Variants in TCTN3 observed in about 807,000 individuals in gnomAD.
TCTN3 encodes the protein tectonic family member 3.
In TCTN3, 57 loss-of-function variants were observed where a neutral mutation model predicts 71.3. The observed-to-expected ratio is 0.80, with a 90% CI of 0.65 to 1.00. The LOEUF (loss-of-function observed/expected upper bound fraction) is 1.00. TCTN3 is among the 50% of genes least tolerant of loss of function. The probability of loss-of-function intolerance (pLI) is 0.00; values close to 1 mark genes in which losing one functional copy is unlikely to be tolerated. For missense variants in TCTN3, 696 were observed against 719.9 expected (o/e 0.97, Z 0.38); for synonymous variants, 258 against 267.8 (o/e 0.96, Z 0.36).
intron 2 of TCTN3, 43 bp downstream of exon 2, chr10:95,693,310 G>C: frequency 6.5e-7 from 1 of 1,550,148 alleles, no homozygotes. Flanking sequence ...CCCGTTGTAG[G>C]CCCCAAACCC....
Position 95,685,607 on chromosome 10 carries a change from CT to C in TCTN3, c.917del (p.Gln306ArgfsTer15). Reference protein sequence around the residue: ...EFQVPVILTSQANAPLLAGNT... With the variant: ...EFQVPVILTSXANAPLLAGNT... ...TTCCAGCCAACAGAGGAGCATTAGC[CT>C]GTGAGGTAAGTATTACAGGAACCTG... On this transcript the variant is annotated frameshift_variant, in exon 8 of 14. Transcript: ENST00000371217. LOFTEE classifies it high-confidence loss of function. 2 of 1,551,464 alleles carry C rather than the reference CT, an allele frequency of 1.3e-6. No homozygotes were observed. The highest frequency in any genetic ancestry group is 1.7e-6 in the Non-Finnish European group (2 of 1,146,880).
In TCTN3 at chr10:95,666,401, T is replaced by C. The variant is rs374724817; in HGVS notation, c.1591-2101A>G. Among the ~76,000 whole-genome samples, 72 of 152,314 alleles carry C rather than the reference T, an allele frequency of 4.7e-4. No homozygotes were observed. The East Asian group carries it at 0.012, about 26-fold the overall frequency. ...CTCCAGCCAGGCATCGAAGACTGGC[T>C]GAGACTAATCAGAGAAAGAAAATGG... On this transcript the variant is annotated intron_variant, in intron 13 of 13. Coordinates refer to ENST00000371217, the MANE Select transcript of TCTN3 (RefSeq NM_015631.6).
At chr10:95,677,474 G>GGTTTT (rs2097938217) in intron 13 of TCTN3, among the ~76,000 whole-genome samples, 2 of 80,738 alleles carry the variant, frequency 2.5e-5, no homozygotes, top group Non-Finnish European at 6.0e-5. Flanking sequence ...GAAGTCTACA[G>GGTTTT]TTTTTTTTGT....
intron 8 of TCTN3, among the ~76,000 whole-genome samples, chr10:95,684,868 G>A (rs1490171344): frequency 6.6e-6 from 1 of 152,146 alleles, no homozygotes; most frequent in Admixed American, 6.5e-5. Context: ...TTTTTGGTAG[G>A]AACTGAAAGG....
chr10:95,692,196 T>C (rs888441467), intron 3 of TCTN3, among the ~76,000 whole-genome samples: 2 of 152,228 alleles, frequency 1.3e-5, no homozygotes, highest in South Asian at 2.1e-4. Flanking sequence ...TTCTGATCCA[T>C]AGCCAACAGA....
chr10:95,677,474 G>GGTTT (rs2097938217), intron 13 of TCTN3, among the ~76,000 whole-genome samples: 5 of 80,738 alleles, frequency 6.2e-5, no homozygotes, highest in Non-Finnish European at 1.5e-4. Flanking sequence ...GAAGTCTACA[G>GGTTT]TTTTTTTTGT....
At chr10:95,690,778 TGGAA>T (rs1193050264) in intron 3 of TCTN3, among the ~76,000 whole-genome samples, 1 of 152,196 alleles carries the variant, frequency 6.6e-6, no homozygotes, top group East Asian at 1.9e-4. Flanking sequence ...TGCAATGTTA[TGGAA>T]AGATTTATCT....
intron 12 of TCTN3, among the ~76,000 whole-genome samples, chr10:95,681,074 C>T (rs2097942525): frequency 6.6e-6 from 1 of 151,226 alleles, no homozygotes; most frequent in Non-Finnish European, 1.5e-5. Context: ...CCACACCCGA[C>T]CTCTGATCTT....
intron 13 of TCTN3, among the ~76,000 whole-genome samples, chr10:95,669,838 C>T (rs1339594626): frequency 1.1e-4 from 17 of 151,558 alleles, no homozygotes; most frequent in Admixed American, 9.2e-4. Flanking sequence ...CCGAGGCGGG[C>T]GGATCACGAG....
chr10:95,681,803 A>G (rs2097943283), intron 12 of TCTN3, among the ~76,000 whole-genome samples: 1 of 152,250 alleles, frequency 6.6e-6, no homozygotes, highest in Non-Finnish European at 1.5e-5. Flanking sequence ...TATTTGAAAT[A>G]TATGAGATTT....
intron 13 of TCTN3, among the ~76,000 whole-genome samples, chr10:95,669,696 T>C (rs117639342): frequency 0.034 from 5,122 of 151,988 alleles, 118 homozygotes; most frequent in Non-Finnish European, 0.049. Context: ...TGAGGGGAGA[T>C]TTCTTTTGGA....
At chr10:95,668,790 T>C (rs879753357) in intron 13 of TCTN3, among the ~76,000 whole-genome samples, 2 of 152,212 alleles carry the variant, frequency 1.3e-5, no homozygotes, top group African/African-American at 2.4e-5. Flanking sequence ...CCACGACCAC[T>C]GCGGGGCAGC....
Position 95,683,639 on chromosome 10 carries a change from G to A in TCTN3, c.1096-10C>T. 2.5e-6 allele frequency: 4 copies of A among 1,600,098 alleles called. No individual in the cohort carries two copies. The highest frequency in any genetic ancestry group is 3.4e-6 in the Non-Finnish European group (4 of 1,171,738). On this transcript the variant is annotated splice_polypyrimidine_tract_variant and intron_variant, in intron 9 of 13. Coordinates refer to ENST00000371217, the MANE Select transcript of TCTN3 (RefSeq NM_015631.6). ...TGCTCTGTTGAAAAGCCTGCAGAAA[G>A]AGGGAAGAGAAGTCAATTATGGAGA...
Position 95,663,835 on chromosome 10 carries a change from C to G in TCTN3, c.*232G>C, listed in dbSNP as rs2097923706. 2.2e-6 allele frequency: 1 copy of G among 453,154 alleles called. No individual in the cohort carries two copies. The highest frequency in any genetic ancestry group is 2.6e-5 in the South Asian group (1 of 38,748). The allele number at this position is 453,154 out of a possible 1,614,324, so 28.1% of individuals were successfully genotyped here. A position where few individuals can be genotyped will look rare whatever the true frequency, so the allele number is the denominator to read the frequency against. On this transcript the variant is annotated 3_prime_UTR_variant, in exon 14 of 14. Transcript: ENST00000371217. ...CCTTCCCAGCTTGAGAAGTAGGGGC[C>G]TCATGTGTATCTGGTGGCCTGCAGA...
chr10:95,674,711 C>A (rs1447479487), intron 13 of TCTN3, among the ~76,000 whole-genome samples: 1 of 152,148 alleles, frequency 6.6e-6, no homozygotes, highest in Non-Finnish European at 1.5e-5. Context: ...ATCTACAAGT[C>A]TCTTTTAATT....
intron 11 of TCTN3, 94 bp from the exon 12 acceptor site, chr10:95,682,898 A>G: frequency 1.4e-6 from 2 of 1,474,754 alleles, no homozygotes; most frequent in Non-Finnish European, 1.8e-6. Flanking sequence ...TGGAAATAAT[A>G]TAAAATAGAC....
Position 95,664,279 on chromosome 10 carries a change from CTTCTGT to C in TCTN3, c.1606_1611del (p.Thr536_Glu537del), listed in dbSNP as rs891059654. The C allele has an allele frequency of 2.2e-5, 35 of 1,613,902 alleles. No individual in the cohort carries two copies. The highest frequency in any genetic ancestry group is 2.9e-5 in the Non-Finnish European group (34 of 1,179,914). On this transcript the variant is annotated inframe_deletion, in exon 14 of 14. Transcript: ENST00000371217. ...AAGTTCACAAGAGTTGTCAAAGATA[CTTCTGT>C]AACTTGCTGAGAATCCTACGGGAAG...
At chr10:95,672,734 C>G (rs1156545041) in intron 13 of TCTN3, among the ~76,000 whole-genome samples, 4 of 145,266 alleles carry the variant, frequency 2.8e-5, no homozygotes, top group African/African-American at 1.0e-4. Flanking sequence ...GCTCTGTCGC[C>G]CAGGCTGGAG....
chr10:95,690,176 G>A (rs1431054606), intron 3 of TCTN3, among the ~76,000 whole-genome samples: 4 of 151,954 alleles, frequency 2.6e-5, no homozygotes, highest in African/African-American at 9.7e-5. Flanking sequence ...TAAAGACTGG[G>A]TCTTGCTATG....
Sources: allele counts gnomAD v4.1 joint callset (sites outside exome capture counted in the v4.1 genomes callset), GRCh38; gene constraint gnomAD v4.1.1; transcripts MANE v1.5; gene names NCBI Gene and HGNC (gene_info 2026-07-23, HGNC 2026-07-21).